The following TSPAN9 variants were observed in gnomAD, a reference collection of about 807,000 sequenced individuals.
TSPAN9 encodes tetraspanin 9.
In TSPAN9, 16 loss-of-function variants were observed where a neutral mutation model predicts 31.0. The ratio of observed to expected loss-of-function variants is 0.52; its 90% CI spans 0.35 to 0.78. The LOEUF (loss-of-function observed/expected upper bound fraction) is 0.78, where lower values mean the gene tolerates loss of function less well. Ranked by LOEUF, TSPAN9 falls within the 30% of genes least tolerant of loss-of-function variation. The probability of loss-of-function intolerance (pLI) is 0.01; values close to 1 mark genes in which losing one functional copy is unlikely to be tolerated. For synonymous variants in TSPAN9, 145 were observed against 121.6 expected, an observed-to-expected ratio of 1.19 and a Z score of -1.27; for missense variants, 272 against 312.5, an observed-to-expected ratio of 0.87 and a Z score of 0.98.
intron 2 of TSPAN9, among the ~76,000 whole-genome samples, chr12:3,169,874 T>TA (rs1367711429): frequency 6.6e-6 from 1 of 151,938 alleles, no homozygotes; most frequent in East Asian, 1.9e-4. Context: ...CAGAGAAGCT[T>TA]AGAGGTGTAT....
rs1043217424 is a variant in TSPAN9, at chr12:3,159,899, C to T, written c.-17-41278C>T. On this transcript the variant is annotated intron_variant, in intron 2 of 8. Transcript: ENST00000011898. ...AGAAAATAAACTTCTGTTGTTTAAG[C>T]CACCCAGCCTGTGGTACTTTGGTTA... 2.0e-5 allele frequency among the ~76,000 whole-genome samples: 3 copies of T among 152,194 alleles called. No individual in the cohort carries two copies. In the South Asian group the frequency reaches 6.2e-4, roughly 32 times the overall value.
At chr12:3,129,092 C>A (rs1565585725) in intron 2 of TSPAN9, among the ~76,000 whole-genome samples, 1 of 152,220 alleles carries the variant, frequency 6.6e-6, no homozygotes, top group Admixed American at 6.5e-5. Flanking sequence ...TAGCCTGTGT[C>A]AGATTTCCTC....
At chr12:3,214,162 T>C (rs1390241303) in intron 3 of TSPAN9, among the ~76,000 whole-genome samples, 6 of 152,252 alleles carry the variant, frequency 3.9e-5, no homozygotes, top group Admixed American at 3.9e-4. Context: ...CTCTGAGGTC[T>C]CTCTGGGCCC....
At chr12:3,148,914 G>C (rs1234160625) in intron 2 of TSPAN9, among the ~76,000 whole-genome samples, 1 of 152,206 alleles carries the variant, frequency 6.6e-6, no homozygotes, top group Non-Finnish European at 1.5e-5. Context: ...CCTCTCGGGC[G>C]TGCCTGGCCG....
chr12:3,203,148 A>C (rs1302291092), intron 3 of TSPAN9, among the ~76,000 whole-genome samples: 18 of 142,366 alleles, frequency 1.3e-4, no homozygotes, highest in African/African-American at 2.4e-4. Context: ...ACTCCTCCCC[A>C]CCCCCACCCT....
chr12:3,105,109 C>CT (rs2153964695), intron 2 of TSPAN9, among the ~76,000 whole-genome samples: 1 of 152,334 alleles, frequency 6.6e-6, no homozygotes, highest in East Asian at 1.9e-4. Flanking sequence ...TGTGCCCCGT[C>CT]TGCGCACAGC....
intron 3 of TSPAN9, among the ~76,000 whole-genome samples, chr12:3,208,415 A>G (rs926162266): frequency 7.9e-5 from 12 of 152,352 alleles, no homozygotes; most frequent in Middle Eastern, 3.4e-3. Flanking sequence ...TGCACCTGCC[A>G]TGCCTCTGGG....
intron 3 of TSPAN9, among the ~76,000 whole-genome samples, chr12:3,208,250 T>A (rs1004642884): frequency 1.1e-4 from 17 of 152,114 alleles, no homozygotes; most frequent in Admixed American, 9.8e-4. Context: ...CAAGTGTCCC[T>A]CGGGCTGGGG....
chr12:3,155,481 G>A (rs539409077), intron 2 of TSPAN9, among the ~76,000 whole-genome samples: 1 of 152,214 alleles, frequency 6.6e-6, no homozygotes, highest in South Asian at 2.1e-4. Flanking sequence ...CACCTGTAAT[G>A]CCAGCATTTT....
Position 3,210,725 on chromosome 12 carries a change from A to T in TSPAN9, c.63+9469A>T, listed in dbSNP as rs1591679514. On this transcript the variant is annotated intron_variant, in intron 3 of 8. Coordinates refer to ENST00000011898, the MANE Select transcript of TSPAN9 (RefSeq NM_006675.5). ...TTTATGTATTTAAGAAATACATGCT[A>T]TCTCATGGATGTCTTTTTTTTTTTT... Among the ~76,000 whole-genome samples, 8 of 145,744 alleles carry T rather than the reference A, an allele frequency of 5.5e-5. 1 individual carries two copies. In the South Asian group the frequency reaches 1.7e-3, roughly 31 times the overall value.
chr12:3,240,707 T>C (rs1336008251), intron 3 of TSPAN9, among the ~76,000 whole-genome samples: 1 of 152,176 alleles, frequency 6.6e-6, no homozygotes, highest in African/African-American at 2.4e-5. Context: ...TACACCAGCC[T>C]GTCTCTGCTG....
intron 3 of TSPAN9, among the ~76,000 whole-genome samples, chr12:3,204,368 A>G (rs1247605764): frequency 6.6e-6 from 1 of 152,158 alleles, no homozygotes. Flanking sequence ...GTTCCTCACC[A>G]CTGGGCGGAG....
Position 3,168,913 on chromosome 12 carries a change from GA to G in TSPAN9, c.-17-32262del, listed in dbSNP as rs2098350153. ...CTCAGGTTTGGACGTGACTCAGAAG[GA>G]AGGTAGTGGGGAAATACAAGGTGGT... On this transcript the variant is annotated intron_variant, in intron 2 of 8. Transcript: ENST00000011898. The surrounding 1 kb of genome is among the most constrained non-coding windows in gnomAD (Gnocchi z 4.0). 6.6e-6 allele frequency among the ~76,000 whole-genome samples: 1 copy of G among 152,232 alleles called. No individual in the cohort carries two copies. Among genetic ancestry groups the G allele is most frequent in the Non-Finnish European group, 1.5e-5 (1 of 68,050 alleles).
chr12:3,251,094 T>C (rs1179024724), intron 3 of TSPAN9, among the ~76,000 whole-genome samples: 3 of 152,226 alleles, frequency 2.0e-5, no homozygotes, highest in Non-Finnish European at 2.9e-5. Context: ...CCCAGGTTAG[T>C]GTCTGAAGGA....
At chr12:3,095,477 G>A (rs1399253360) in intron 2 of TSPAN9, among the ~76,000 whole-genome samples, 1 of 124,758 alleles carries the variant, frequency 8.0e-6, no homozygotes, top group African/African-American at 3.3e-5. Flanking sequence ...CCTCCCGGAC[G>A]GGGCGGCTGG....
intron 2 of TSPAN9, among the ~76,000 whole-genome samples, chr12:3,158,307 C>T (rs1439549271): frequency 6.6e-6 from 1 of 152,202 alleles, no homozygotes; most frequent in Non-Finnish European, 1.5e-5. Flanking sequence ...TACCTTTCCC[C>T]AGCACCCCAC....
chr12:3,192,807 G>A lies in TSPAN9; in HGVS notation c.-17-8370G>A, dbSNP rs1420586318. Among the ~76,000 whole-genome samples, 2 of 152,156 alleles carry A rather than the reference G, an allele frequency of 1.3e-5. No homozygotes were observed. The highest frequency in any genetic ancestry group is 3.9e-4 in the East Asian group (2 of 5,180). Reference sequence around the variant, plus strand: ...TGAGGGCCTCCCTGAGGAGGAGGAGGAGGGCAGCCAGCATTTCCCTTAGAA... The same window carrying A: ...TGAGGGCCTCCCTGAGGAGGAGGAGAAGGGCAGCCAGCATTTCCCTTAGAA... On this transcript the variant is annotated intron_variant, in intron 2 of 8. Coordinates refer to ENST00000011898, the MANE Select transcript of TSPAN9 (RefSeq NM_006675.5). This position sits in a 1 kb window ranked among gnomAD's most constrained non-coding sequence, Gnocchi z 4.6.
chr12:3,101,749 A>G (rs1219110599), intron 2 of TSPAN9, among the ~76,000 whole-genome samples: 1 of 152,064 alleles, frequency 6.6e-6, no homozygotes, highest in African/African-American at 2.4e-5. Flanking sequence ...ACCTTGTCCC[A>G]TTGTCTCCTG....
chr12:3,175,835 C>T (rs917433753), intron 2 of TSPAN9, among the ~76,000 whole-genome samples: 1 of 152,258 alleles, frequency 6.6e-6, no homozygotes, highest in East Asian at 1.9e-4. Flanking sequence ...TAACACCGAC[C>T]CTGGAATCAA....
Sources: gnomAD v4.1 joint callset for allele counts (sites outside exome capture counted in the v4.1 genomes callset) on GRCh38, gnomAD v4.1.1 for gene constraint, Gnocchi (gnomAD v3.1) non-coding constraint, MANE v1.5 for transcripts, NCBI Gene and HGNC (gene_info 2026-07-23, HGNC 2026-07-21) for gene names.